Variants in GNG7 observed in about 807,000 individuals in gnomAD.
GNG7 encodes guanine nucleotide-binding protein G(I)/G(S)/G(O) subunit gamma-7.
GNG7 carries 1 observed loss-of-function variant against 4.0 expected under a neutral mutation model. The ratio of observed to expected loss-of-function variants is 0.25; its 90% CI spans 0.09 to 1.18. The LOEUF (loss-of-function observed/expected upper bound fraction) is 1.18. Ranked by LOEUF, GNG7 falls within the 50% of genes most tolerant of loss-of-function variation. The probability of loss-of-function intolerance (pLI) is 0.50; values close to 1 mark genes in which losing one functional copy is unlikely to be tolerated. For missense variants in GNG7, 86 were observed against 91.9 expected (o/e 0.94, Z 0.26); for synonymous variants, 34 against 36.9 (o/e 0.92, Z 0.29).
intron 1 of GNG7, among the ~76,000 whole-genome samples, chr19:2,680,571 A>ATTTT (rs967188330): frequency 1.6e-5 from 2 of 126,006 alleles, no homozygotes; most frequent in African/African-American, 3.0e-5. Context: ...AAAATTTACA[A>ATTTT]TTTTTTTTTT....
At chr19:2,548,295 G>C (rs192163166) in intron 3 of GNG7, among the ~76,000 whole-genome samples, 1 of 151,890 alleles carries the variant, frequency 6.6e-6, no homozygotes, top group Non-Finnish European at 1.5e-5. Context: ...CCTGGGCAAC[G>C]TGGTGAAACC....
chr19:2,526,286 A>G (rs1978393278), intron 3 of GNG7, among the ~76,000 whole-genome samples: 1 of 146,736 alleles, frequency 6.8e-6, no homozygotes, highest in East Asian at 2.0e-4. Flanking sequence ...TGTATTTTTA[A>G]TAGAGACGGG....
At chr19:2,605,727 T>C (rs1047878200) in intron 2 of GNG7, among the ~76,000 whole-genome samples, 13 of 150,110 alleles carry the variant, frequency 8.7e-5, no homozygotes, top group African/African-American at 2.9e-4. Context: ...TTGGCCAGCA[T>C]GGTCTCGATC....
chr19:2,637,216 C>CCCT (rs1555699237), intron 2 of GNG7, among the ~76,000 whole-genome samples: 2 of 150,938 alleles, frequency 1.3e-5, no homozygotes, highest in South Asian at 2.1e-4. Flanking sequence ...ACAGGCTCCC[C>CCCT]CCGCCCCCGA....
At chr19:2,575,089 C>CTT (rs34248001) in intron 2 of GNG7, among the ~76,000 whole-genome samples, 2,323 of 138,806 alleles carry the variant, frequency 0.017, 94 homozygotes, top group African/African-American at 0.059. Flanking sequence ...TTCTTTCTTT[C>CTT]TTTTTTTTTT....
chr19:2,575,756 GACACGCAGGC>G lies in GNG7; in HGVS notation c.-77-20578_-77-20569del, dbSNP rs1156425970. 8.9e-4 allele frequency among the ~76,000 whole-genome samples: 75 copies of G among 84,218 alleles called. 2 individuals carry two copies. The highest frequency in any genetic ancestry group is 3.4e-4 in the Non-Finnish European group (16 of 47,554). 55.3% of individuals were successfully genotyped at this position (84,218 alleles called of 152,430 possible). On this transcript the variant is annotated intron_variant, in intron 2 of 4. Transcript: ENST00000382159. The stretch of plus-strand genomic sequence containing the variant: ...GCACACGCACACGCAGGCACACGCA[GACACGCAGGC>G]ACACGCAGGCACATGCAGACACGCA...
chr19:2,606,321 G>A (rs549941190), intron 2 of GNG7, among the ~76,000 whole-genome samples: 10 of 152,128 alleles, frequency 6.6e-5, no homozygotes, highest in South Asian at 2.1e-4. Context: ...ACAGTGAGCC[G>A]AGATTGCACC....
At chr19:2,629,602 C>T (rs1026427328) in intron 2 of GNG7, among the ~76,000 whole-genome samples, 1 of 152,174 alleles carries the variant, frequency 6.6e-6, no homozygotes, top group Non-Finnish European at 1.5e-5. Flanking sequence ...GTGGACAAGA[C>T]CTCACAGACT....
intron 2 of GNG7, among the ~76,000 whole-genome samples, chr19:2,625,911 C>A (rs1479840623): frequency 1.3e-5 from 2 of 152,072 alleles, no homozygotes; most frequent in Non-Finnish European, 1.5e-5. Context: ...CCTCAGCCTC[C>A]CAAGTAGCTA....
At chr19:2,647,504 G>A (rs981118892) in intron 1 of GNG7, among the ~76,000 whole-genome samples, 1 of 152,104 alleles carries the variant, frequency 6.6e-6, no homozygotes, top group African/African-American at 2.4e-5. Context: ...CGGAGTCCAG[G>A]GTCCTCCCAG....
chr19:2,633,136 G>A lies in GNG7; in HGVS notation c.-78+13088C>T, dbSNP rs1446074558. 6.6e-6 allele frequency among the ~76,000 whole-genome samples: 1 copy of A among 152,258 alleles called. No homozygotes were observed. The highest frequency in any genetic ancestry group is 2.4e-5 in the African/African-American group (1 of 41,472). Reference sequence around the variant, plus strand: ...TTAGCCTGGCAGGGGCCCTGCAGGTGGGTGCTGGTTCACTAAAACGATGAA... The same window carrying A: ...TTAGCCTGGCAGGGGCCCTGCAGGTAGGTGCTGGTTCACTAAAACGATGAA... On this transcript the variant is annotated intron_variant, in intron 2 of 4. Transcript: ENST00000382159. This position sits in a 1 kb window ranked among gnomAD's most constrained non-coding sequence, Gnocchi z 5.9.
At chr19:2,559,173 T>C (rs905368957) in intron 2 of GNG7, among the ~76,000 whole-genome samples, 8 of 152,044 alleles carry the variant, frequency 5.3e-5, no homozygotes, top group African/African-American at 1.9e-4. Context: ...TATACATATA[T>C]ATCCACAGTT....
At chr19:2,543,807 C>T (rs573603979) in intron 3 of GNG7, among the ~76,000 whole-genome samples, 3 of 152,110 alleles carry the variant, frequency 2.0e-5, no homozygotes, top group Non-Finnish European at 4.4e-5. Flanking sequence ...TGTGGCGCGG[C>T]GTGCCGGGGT....
Position 2,557,325 on chromosome 19 carries a change from GCACA to G in GNG7, c.-77-2141_-77-2138del, listed in dbSNP as rs71929279. ...CACATACACGCACAGACACACATGT[GCACA>G]CAGACACACACATGTGCACACACAC... On this transcript the variant is annotated intron_variant, in intron 2 of 4. Transcript: ENST00000382159. The surrounding 1 kb of genome is among the most constrained non-coding windows in gnomAD (Gnocchi z 5.1). Among the ~76,000 whole-genome samples the G allele has an allele frequency of 6.7e-5, 10 of 149,688 alleles. No individual in the cohort carries two copies. The highest frequency in any genetic ancestry group is 1.5e-4 in the Non-Finnish European group (10 of 67,512).
At chr19:2,607,580 GAA>G (rs1981429746) in intron 2 of GNG7, among the ~76,000 whole-genome samples, 1 of 56,212 alleles carries the variant, frequency 1.8e-5, no homozygotes, top group Non-Finnish European at 4.4e-5. Context: ...AAAAAAAAAA[GAA>G]AGAAAGAAAA....
rs1972653588 is a variant in GNG7 at position 2,511,401 on chromosome 19, C to A, written c.*3621G>T. The A allele has an allele frequency of 6.6e-6, 1 of 152,332 alleles. No individual in the cohort carries two copies. Among genetic ancestry groups the A allele is most frequent in the Non-Finnish European group, 1.5e-5 (1 of 68,114 alleles). The allele number at this position is 152,332 out of a possible 1,614,324, so 9.4% of individuals were successfully genotyped here. A position where few individuals can be genotyped will look rare whatever the true frequency, so the allele number is the denominator to read the frequency against. On this transcript the variant is annotated 3_prime_UTR_variant, in exon 5 of 5. Coordinates refer to ENST00000382159, the MANE Select transcript of GNG7 (RefSeq NM_052847.3). The surrounding 1 kb of genome is among the most constrained non-coding windows in gnomAD (Gnocchi z 6.3). The stretch of plus-strand genomic sequence containing the variant: ...AACCTGCTAGAACCACAGGCGGCGG[C>A]TGGAAACAGGAGACAGGTCTTTACG...
chr19:2,545,955 A>G (rs189100121), intron 3 of GNG7, among the ~76,000 whole-genome samples: 28 of 151,596 alleles, frequency 1.8e-4, no homozygotes, highest in African/African-American at 5.8e-4. Context: ...ACTCTGCCTC[A>G]AAAACAAAAC....
At chr19:2,553,639 ATATGT>A (rs996784367) in intron 3 of GNG7, among the ~76,000 whole-genome samples, 7 of 94,124 alleles carry the variant, frequency 7.4e-5, no homozygotes, top group Non-Finnish European at 1.6e-4. Flanking sequence ...GTTACATGTA[ATATGT>A]TATATTACAT....
At chr19:2,680,923 C>G (rs1158025385) in intron 1 of GNG7, among the ~76,000 whole-genome samples, 1 of 151,904 alleles carries the variant, frequency 6.6e-6, no homozygotes, top group Non-Finnish European at 1.5e-5. Flanking sequence ...TCCCCATGTC[C>G]TACCTCCCCG....
Sources: gnomAD v4.1 joint callset for allele counts (sites outside exome capture counted in the v4.1 genomes callset) on GRCh38, gnomAD v4.1.1 for gene constraint, Gnocchi (gnomAD v3.1) non-coding constraint, MANE v1.5 for transcripts, NCBI Gene and HGNC (gene_info 2026-07-23, HGNC 2026-07-21) for gene names.